Variants in SIM1 observed in about 807,000 individuals in gnomAD.
The protein encoded by SIM1 is SIM bHLH transcription factor 1, also known as single-minded homolog 1.
In SIM1, 18 loss-of-function variants were observed where a neutral mutation model predicts 78.2. The observed-to-expected ratio is 0.23, with a 90% confidence interval of 0.16 to 0.34. The LOEUF (loss-of-function observed/expected upper bound fraction) is 0.34, where lower values mean the gene tolerates loss of function less well. Ranked by LOEUF, SIM1 falls within the 10% of genes least tolerant of loss-of-function variation. SIM1 has a pLI of 1.00. For synonymous variants in SIM1, 417 were observed against 385.2 expected, an observed-to-expected ratio of 1.08 and a Z score of -0.97; for missense variants, 939 against 975.1, an observed-to-expected ratio of 0.96 and a Z score of 0.49.
chr6:100,412,583 GAAA>G (rs1771229742), intron 10 of SIM1, among the ~76,000 whole-genome samples: 3 of 84,528 alleles, frequency 3.5e-5, no homozygotes, highest in South Asian at 4.0e-4. Context: ...AAGAAAGAAA[GAAA>G]GAAAGAAAGA....
At chr6:100,453,660 T>C in intron 3 of SIM1, 102 bp downstream of exon 3, 1 of 759,748 alleles carries the variant, frequency 1.3e-6, no homozygotes, top group Non-Finnish European at 2.0e-6. Flanking sequence ...GGGTTGTTTG[T>C]TTTTTTTTTG....
chr6:100,397,680 T>A (rs949653821), intron 10 of SIM1, among the ~76,000 whole-genome samples: 58 of 151,874 alleles, frequency 3.8e-4, no homozygotes, highest in Admixed American at 3.8e-3. Context: ...TAAATTGAAC[T>A]AGATCAAAAT....
chr6:100,427,253 C>T (rs560063665), intron 9 of SIM1: 1 of 152,344 alleles, frequency 6.6e-6, no homozygotes, highest in South Asian at 2.1e-4. Context: ...CTAAGACAAT[C>T]TGCTGGGAAA....
intron 8 of SIM1, 135 bp from the exon 9 acceptor site, chr6:100,447,550 C>T (rs890379314): frequency 2.1e-6 from 2 of 949,126 alleles, no homozygotes; most frequent in South Asian, 1.6e-5. Flanking sequence ...GAGAGAGAGA[C>T]GACAGGCAAA....
chr6:100,392,181 A>T (rs974256989), intron 11 of SIM1, among the ~76,000 whole-genome samples: 2 of 152,158 alleles, frequency 1.3e-5, no homozygotes, highest in African/African-American at 4.8e-5. Context: ...TCTCAAAAAA[A>T]ATTTTTTTAG....
rs1371788251 is a variant in SIM1 at position 100,463,618 on chromosome 6, A to G, written c.-150T>C. 1.5e-6 allele frequency: 1 copy of G among 689,398 alleles called. No homozygotes were observed. Among genetic ancestry groups the G allele is most frequent in the Non-Finnish European group, 2.4e-6 (1 of 412,264 alleles). The allele number at this position is 689,398 out of a possible 1,614,324, so 42.7% of individuals were successfully genotyped here. On this transcript the variant is annotated 5_prime_UTR_variant, in exon 2 of 12. Coordinates refer to ENST00000369208, the MANE Select transcript of SIM1 (RefSeq NM_005068.3). ...GAAGTATTTGCACCAAGAACAGTGT[A>G]TTGATGGCAGTAAAAGACCAGCGGG...
At chr6:100,412,751 G>GAA (rs1273434988) in intron 10 of SIM1, among the ~76,000 whole-genome samples, 1 of 138,290 alleles carries the variant, frequency 7.2e-6, no homozygotes, top group African/African-American at 2.7e-5. Context: ...AAGAAAGAAA[G>GAA]AAAAAAGAAA....
chr6:100,400,582 T>C (rs1462521978), intron 10 of SIM1, among the ~76,000 whole-genome samples: 1 of 152,088 alleles, frequency 6.6e-6, no homozygotes, highest in Non-Finnish European at 1.5e-5. Flanking sequence ...ATACACAGCT[T>C]TGAAGAGCTT....
At chr6:100,427,020 G>C (rs1476475976) in intron 9 of SIM1, 1 of 152,220 alleles carries the variant, frequency 6.6e-6, no homozygotes, top group East Asian at 1.9e-4. Context: ...AACCGTGATC[G>C]GATTAGGTGG....
intron 1 of SIM1, 73 bp downstream of exon 1, chr6:100,464,541 C>A (rs908714089): frequency 6.6e-6 from 1 of 152,106 alleles, no homozygotes; most frequent in African/African-American, 2.4e-5. Flanking sequence ...TGGGAGGCGC[C>A]GCGGCCTCTC....
At chr6:100,439,779 GA>G (rs1772158823) in intron 9 of SIM1, among the ~76,000 whole-genome samples, 1 of 152,038 alleles carries the variant, frequency 6.6e-6, no homozygotes, top group South Asian at 2.1e-4. Flanking sequence ...TTTTCCCCAA[GA>G]AACTAACCTA....
chr6:100,452,418 C>A (rs188301977), intron 3 of SIM1, among the ~76,000 whole-genome samples: 2 of 152,240 alleles, frequency 1.3e-5, no homozygotes, highest in South Asian at 2.1e-4. Context: ...CCTAAATTTG[C>A]GGAATGAGTG....
At chr6:100,426,941 G>A (rs1367405109) in intron 9 of SIM1, among the ~76,000 whole-genome samples, 1 of 152,174 alleles carries the variant, frequency 6.6e-6, no homozygotes, top group South Asian at 2.1e-4. Flanking sequence ...CCAAGGAAAC[G>A]TGGAAACAAA....
At chr6:100,436,569 AT>A (rs906152902) in intron 9 of SIM1, among the ~76,000 whole-genome samples, 1 of 152,190 alleles carries the variant, frequency 6.6e-6, no homozygotes, top group African/African-American at 2.4e-5. Flanking sequence ...CACTGTAATA[AT>A]TCACATGTAC....
rs1379031454 is a variant in SIM1 at position 100,385,535 on chromosome 6, C to A, written c.*4826G>T. ...TGTGTCCCAGGTCAGCAAATTAGGG[C>A]AAATTAACCCCAACCCCATATAGAT... is the stretch of plus-strand genomic sequence containing the variant. On this transcript the variant is annotated 3_prime_UTR_variant, in exon 12 of 12. Coordinates refer to ENST00000369208, the MANE Select transcript of SIM1 (RefSeq NM_005068.3). 2.0e-5 allele frequency: 3 copies of A among 151,936 alleles called. No homozygotes were observed. The highest frequency in any genetic ancestry group is 2.1e-4 in the South Asian group (1 of 4,828). The allele number at this position is 151,936 out of a possible 1,614,324, so 9.4% of individuals were successfully genotyped here. A position where few individuals can be genotyped will look rare whatever the true frequency, so the allele number is the denominator to read the frequency against.
At chr6:100,449,246 C>T in intron 6 of SIM1, 117 bp downstream of exon 6, 1 of 799,924 alleles carries the variant, frequency 1.3e-6, no homozygotes, top group South Asian at 1.6e-5. Context: ...CTCTTCGACG[C>T]AAGCTGGGGG....
intron 9 of SIM1, among the ~76,000 whole-genome samples, chr6:100,435,579 A>C (rs1347093795): frequency 6.6e-6 from 1 of 152,194 alleles, no homozygotes; most frequent in Admixed American, 6.5e-5. Flanking sequence ...TTCAGCTTAG[A>C]GCTAACAACC....
chr6:100,399,307 G>A (rs1344331748), intron 10 of SIM1, among the ~76,000 whole-genome samples: 1 of 152,066 alleles, frequency 6.6e-6, no homozygotes, highest in East Asian at 1.9e-4. Context: ...CAATGTGGAT[G>A]AATCTCCAGT....
At chr6:100,406,942 A>C (rs530032301) in intron 10 of SIM1, among the ~76,000 whole-genome samples, 1 of 152,260 alleles carries the variant, frequency 6.6e-6, no homozygotes, top group Admixed American at 6.5e-5. Flanking sequence ...CATCCATCTT[A>C]TAACTGGAAG....
Sources: gnomAD v4.1 joint callset for allele counts (sites outside exome capture counted in the v4.1 genomes callset) on GRCh38, gnomAD v4.1.1 for gene constraint, MANE v1.5 for transcripts, NCBI Gene and HGNC (gene_info 2026-07-23, HGNC 2026-07-21) for gene names.